Variants in ANXA4 observed in about 807,000 individuals in gnomAD.
The protein encoded by ANXA4 is 35-beta calcimedin.
In ANXA4, 39 loss-of-function variants were observed where a neutral mutation model predicts 49.8. The ratio of observed to expected loss-of-function variants is 0.78; its 90% confidence interval spans 0.61 to 1.02. ANXA4 has a LOEUF of 1.02. Ranked by LOEUF, ANXA4 falls within the 50% of genes least tolerant of loss-of-function variation. ANXA4 has a pLI of 0.00. For missense variants in ANXA4, 360 were observed against 410.1 expected (o/e 0.88, Z 1.05); for synonymous variants, 134 against 152.5 (o/e 0.88, Z 0.89).
intron 8 of ANXA4, among the ~76,000 whole-genome samples, chr2:69,813,541 G>A (rs1260180164): frequency 1.3e-5 from 2 of 151,922 alleles, no homozygotes; most frequent in Admixed American, 6.6e-5. Context: ...ATGAGCCATC[G>A]CGCGTGGCCC....
intron 1 of ANXA4, among the ~76,000 whole-genome samples, chr2:69,756,711 A>G (rs537202331): frequency 5.2e-4 from 79 of 152,196 alleles, no homozygotes; most frequent in African/African-American, 1.9e-3. Flanking sequence ...AATTTTGACT[A>G]TACAAAACTA....
chr2:69,699,653 C>CA (rs971084955), intron 2 of ANXA4, among the ~76,000 whole-genome samples: 14 of 151,814 alleles, frequency 9.2e-5, no homozygotes, highest in South Asian at 4.2e-4. Flanking sequence ...CAAAACAAAA[C>CA]AAAAAACAAG....
intron 11 of ANXA4, among the ~76,000 whole-genome samples, chr2:69,820,357 G>A (rs1674180547): frequency 6.6e-6 from 1 of 151,956 alleles, no homozygotes. Context: ...GATTTCATGT[G>A]GTGAAGGGAA....
intron 3 of ANXA4, among the ~76,000 whole-genome samples, chr2:69,790,526 A>G (rs1402131233): frequency 6.6e-6 from 1 of 152,218 alleles, no homozygotes; most frequent in Non-Finnish European, 1.5e-5. Context: ...TGGGGGCACT[A>G]TAGGCCGTAA....
chr2:69,792,983 A>G (rs190699418), intron 3 of ANXA4, among the ~76,000 whole-genome samples: 24 of 152,318 alleles, frequency 1.6e-4, no homozygotes, highest in Middle Eastern at 3.4e-3. Flanking sequence ...GCCAGTCGCA[A>G]TGGCTCCTGC....
rs568019742 is a variant in ANXA4 at position 69,748,023 on chromosome 2, C to T, written c.-47+5848C>T. ...AAAATTACTGTGGGGGACAAGAGAA[C>T]GGATCCCCTTTGCCCTCTGAAGGTT... is the stretch of plus-strand genomic sequence containing the variant. On this transcript the variant is annotated intron_variant, in intron 1 of 12. Transcript: ENST00000394295. Among the ~76,000 whole-genome samples, 41 of 152,070 alleles carry T rather than the reference C, an allele frequency of 2.7e-4. No homozygotes were observed. In the South Asian group the frequency reaches 4.0e-3, roughly 15 times the overall value.
chr2:69,804,537 C>T lies in ANXA4; in HGVS notation c.102C>T (p.Thr34=), dbSNP rs151130421. The change falls in exon 4 of 13, where the codon ACC becomes ACT. Residue 34 remains threonine, a synonymous_variant. Coordinates refer to ENST00000394295, the MANE Select transcript of ANXA4 (RefSeq NM_001153.5). ...TLRKAMKGLG[T]DEDAIISVLA... is the part of the protein sequence containing the mutation. ...CTGTCTCCCTTCTTCCCCCAGGCACCGATGAAGACGCCATTATTAGCGTCC... is the reference window on the plus strand; with the variant it reads ...CTGTCTCCCTTCTTCCCCCAGGCACTGATGAAGACGCCATTATTAGCGTCC... 96 of 1,613,468 alleles carry T rather than the reference C, an allele frequency of 5.9e-5. No individual in the cohort carries two copies. The African/African-American group carries it at 9.3e-4, about 16-fold the overall frequency.
At position 69,703,811 on chromosome 2, in the gene ANXA4, A is replaced by AT. The variant is rs200733627; in HGVS notation, n.767-16956dup. On this transcript the variant is annotated intron_variant and non_coding_transcript_variant, in intron 2 of 3. Coordinates refer to the ANXA4 transcript ENST00000418066. ...ATCTCTGCTAGAATCAAACTGGGTT[A>AT]TTTTTTTCACTTATTTACTTATTTT... 4.9e-3 allele frequency among the ~76,000 whole-genome samples: 752 copies of AT among 152,028 alleles called. 6 individuals carry two copies. Among genetic ancestry groups the AT allele is most frequent in the Non-Finnish European group, 7.8e-3 (531 of 67,968 alleles).
At chr2:69,715,191 G>C (rs1052461008) in intron 2 of ANXA4, among the ~76,000 whole-genome samples, 4 of 152,016 alleles carry the variant, frequency 2.6e-5, no homozygotes, top group Admixed American at 6.6e-5. Context: ...AGCAAATCAT[G>C]GTTTGTTTTT....
At chr2:69,813,410 G>T (rs2312555) in intron 8 of ANXA4, among the ~76,000 whole-genome samples, 1 of 151,788 alleles carries the variant, frequency 6.6e-6, no homozygotes, top group Non-Finnish European at 1.5e-5. Context: ...CACCATACCC[G>T]GCTAATTTTT....
At position 69,658,924 on chromosome 2, in the gene ANXA4, C is replaced by G. The variant is rs549486961; in HGVS notation, n.766+5642C>G. On this transcript the variant is annotated intron_variant and non_coding_transcript_variant, in intron 2 of 3. Transcript: ENST00000418066. ...TGTTGGTCAGGCTGGTCTCGAACTC[C>G]TGACCTCATGATCCACCCGCCGTAG... Among the ~76,000 whole-genome samples the G allele has an allele frequency of 3.3e-5, 5 of 152,304 alleles. No homozygotes were observed. The South Asian group carries it at 1.0e-3, about 32-fold the overall frequency.
At chr2:69,697,075 T>A (rs1037144859) in intron 2 of ANXA4, among the ~76,000 whole-genome samples, 3 of 152,232 alleles carry the variant, frequency 2.0e-5, no homozygotes, top group Non-Finnish European at 2.9e-5. Context: ...AGGCATTGAC[T>A]TCTCTCTAGC....
chr2:69,658,078 C>T (rs569820006), intron 2 of ANXA4, among the ~76,000 whole-genome samples: 1 of 151,908 alleles, frequency 6.6e-6, no homozygotes, highest in South Asian at 2.1e-4. Flanking sequence ...TTAACTTGAA[C>T]GATCCTCTTT....
At chr2:69,707,834 A>G (rs997823342) in intron 2 of ANXA4, among the ~76,000 whole-genome samples, 1 of 152,116 alleles carries the variant, frequency 6.6e-6, no homozygotes, top group African/African-American at 2.4e-5. Context: ...TATTCGTTCT[A>G]TTTTTTTGTA....
rs1254017723 is a variant in ANXA4 at position 69,747,014 on chromosome 2, A to T, written c.-47+4839A>T. Among the ~76,000 whole-genome samples the T allele has an allele frequency of 2.0e-5, 3 of 151,718 alleles. No individual in the cohort carries two copies. In the East Asian group the frequency reaches 5.8e-4, roughly 29 times the overall value. The stretch of plus-strand genomic sequence containing the variant: ...CTGTCTCAAAAAACAAAAACGAAAA[A>T]TCCTTCCATTTTCCTCCTCCTCCCC... On this transcript the variant is annotated intron_variant, in intron 1 of 12. Transcript: ENST00000394295.
Position 69,794,520 on chromosome 2 carries a change from A to ATGT in ANXA4, c.97+6380_97+6381insGTT, listed in dbSNP as rs1278701189. On this transcript the variant is annotated intron_variant, in intron 3 of 12. Transcript: ENST00000394295. ...ATGTTATGTTATATTATGTTATGTT[A>ATGT]TATTATGTTATGTTATGTTATGTTA... is the stretch of plus-strand genomic sequence containing the variant. Among the ~76,000 whole-genome samples, 427 of 71,946 alleles carry ATGT rather than the reference A, an allele frequency of 5.9e-3. 1 individual carries two copies. The highest frequency in any genetic ancestry group is 9.9e-3 in the East Asian group (19 of 1,912). 47.2% of individuals were successfully genotyped at this position (71,946 alleles called of 152,430 possible). A position where few individuals can be genotyped will look rare whatever the true frequency, so the allele number is the denominator to read the frequency against.
upstream of ANXA4, among the ~76,000 whole-genome samples, chr2:69,739,981 G>A (rs1438378752): frequency 6.6e-6 from 1 of 152,046 alleles, no homozygotes; most frequent in African/African-American, 2.4e-5. Context: ...GGCATATGAA[G>A]GGTACCACAG....
At chr2:69,695,026 C>T (rs1281885090) in intron 2 of ANXA4, among the ~76,000 whole-genome samples, 1 of 152,058 alleles carries the variant, frequency 6.6e-6, no homozygotes. Flanking sequence ...CCTGCAGCCC[C>T]AGCTACTCAG....
intron 1 of ANXA4, among the ~76,000 whole-genome samples, chr2:69,765,881 G>C (rs953661365): frequency 1.3e-5 from 2 of 152,178 alleles, no homozygotes; most frequent in Non-Finnish European, 2.9e-5. Flanking sequence ...CCTTCAGGAA[G>C]CCCAAAGAGC....
Sources: gnomAD v4.1 joint callset for allele counts (sites outside exome capture counted in the v4.1 genomes callset) on GRCh38, gnomAD v4.1.1 for gene constraint, MANE v1.5 for transcripts, NCBI Gene and HGNC (gene_info 2026-07-23, HGNC 2026-07-21) for gene names.